Variants in ICA1L observed in about 807,000 individuals in gnomAD.
The protein encoded by ICA1L is islet cell autoantigen 1-like protein.
ICA1L carries 50 observed loss-of-function variants against 61.3 expected under a neutral mutation model. The observed-to-expected ratio is 0.82, with a 90% confidence interval of 0.65 to 1.03. The LOEUF is 1.03. Among genes scored for constraint, ICA1L ranks in the 50% least tolerant of loss-of-function variants. The pLI is 0.00. For missense variants in ICA1L, 508 were observed against 556.7 expected (o/e 0.91, Z 0.88); for synonymous variants, 161 against 191.3 (o/e 0.84, Z 1.31).
At position 202,776,019 on chromosome 2, in the gene ICA1L, A is replaced by T. The variant is rs1692207528; in HGVS notation, c.*3514T>A. ...TATTAAAAGAGGCTCAGAAAAATAGATAGAGCACATGTAAACTTCCTTCGT... is the reference window on the plus strand; with the variant it reads ...TATTAAAAGAGGCTCAGAAAAATAGTTAGAGCACATGTAAACTTCCTTCGT... On this transcript the variant is annotated 3_prime_UTR_variant, in exon 13 of 13. Transcript: ENST00000358299. 6.7e-6 allele frequency: 1 copy of T among 148,250 alleles called. No individual in the cohort carries two copies. The highest frequency in any genetic ancestry group is 2.6e-5 in the African/African-American group (1 of 37,884). 9.2% of individuals were successfully genotyped at this position (148,250 alleles called of 1,614,324 possible).
At chr2:202,870,999 T>A (rs1207944710) in intron 1 of ICA1L, 1 of 152,244 alleles carries the variant, frequency 6.6e-6, no homozygotes, top group Non-Finnish European at 1.5e-5. Context: ...GTTGCCGGCC[T>A]AAGGAGCAGG....
intron 1 of ICA1L, chr2:202,841,614 T>A: frequency 1.5e-6 from 1 of 650,542 alleles, no homozygotes; most frequent in Non-Finnish European, 2.9e-6. Context: ...CCACCATAAC[T>A]TCCACCCAGG....
intron 1 of ICA1L, chr2:202,869,733 C>G (rs1192343044): frequency 6.6e-6 from 1 of 151,340 alleles, no homozygotes; most frequent in Non-Finnish European, 1.5e-5. Context: ...CTTTTTTTAT[C>G]TCAACTAAAT....
At chr2:202,834,763 CAT>C (rs796552292) in intron 1 of ICA1L, among the ~76,000 whole-genome samples, 32 of 152,316 alleles carry the variant, frequency 2.1e-4, no homozygotes, top group African/African-American at 7.5e-4. Flanking sequence ...TCATCATCAT[CAT>C]ATAGTTCTTT....
At chr2:202,786,324 A>G (rs1468479761) in intron 11 of ICA1L, among the ~76,000 whole-genome samples, 1 of 152,034 alleles carries the variant, frequency 6.6e-6, no homozygotes, top group Non-Finnish European at 1.5e-5. Flanking sequence ...AGGCGGGTGG[A>G]TCATGAGGTC....
chr2:202,842,256 T>G (rs1459576720), intron 1 of ICA1L, among the ~76,000 whole-genome samples: 2 of 152,210 alleles, frequency 1.3e-5, no homozygotes, highest in African/African-American at 4.8e-5. Flanking sequence ...CCAATGAGTT[T>G]TATACTTTTA....
rs200803657 is a variant in ICA1L at position 202,825,742 on chromosome 2, C to T, written c.188G>A (p.Cys63Tyr). 1.9e-6 allele frequency: 3 copies of T among 1,586,666 alleles called. No homozygotes were observed. The African/African-American group carries it at 4.0e-5, about 21-fold the overall frequency. The change falls in exon 3 of 13, where the codon TGC becomes TAC. Residue 63 changes from cysteine to tyrosine, a missense_variant. Cys to Tyr is a radical substitution (Grantham distance 194). Transcript: ENST00000358299. ...LEVFHSVQETCTELLKIIEKY... is the reference protein window; with the variant it reads ...LEVFHSVQETYTELLKIIEKY... ...CTCGATTATCTTCAGAAGTTCAGTG[C>T]ATGTCTCTTGAACAGAGTGAAAAAC...
At position 202,797,075 on chromosome 2, in the gene ICA1L, AAAACATACAAAAGGG is replaced by A. The variant is rs1692950145; in HGVS notation, c.911-126_911-112del. On this transcript the variant is annotated intron_variant, in intron 9 of 12. Coordinates refer to ENST00000358299, the MANE Select transcript of ICA1L (RefSeq NM_001288622.3). ...TGTTCAATTGACCAAATCAGAATCG[AAAACATACAAAAGGG>A]AAACATAAAAATTTAAATAATCTTA... 13 of 595,314 alleles carry A rather than the reference AAAACATACAAAAGGG, an allele frequency of 2.2e-5. No individual in the cohort carries two copies. The South Asian group carries it at 2.4e-4, about 11-fold the overall frequency. 36.9% of individuals were successfully genotyped at this position (595,314 alleles called of 1,614,324 possible).
At chr2:202,846,654 G>A (rs769247009) in intron 1 of ICA1L, among the ~76,000 whole-genome samples, 3 of 152,138 alleles carry the variant, frequency 2.0e-5, no homozygotes, top group Non-Finnish European at 4.4e-5. Flanking sequence ...TGAGAGCTAC[G>A]GAAGTTAGGA....
At chr2:202,850,974 G>A (rs1231099357) in intron 1 of ICA1L, among the ~76,000 whole-genome samples, 2 of 151,798 alleles carry the variant, frequency 1.3e-5, no homozygotes, top group Non-Finnish European at 2.9e-5. Context: ...AAGAGAGTGG[G>A]GGCCAATATT....
intron 1 of ICA1L, among the ~76,000 whole-genome samples, chr2:202,835,215 CT>C (rs544503963): frequency 2.0e-3 from 240 of 120,630 alleles, no homozygotes; most frequent in African/African-American, 6.0e-3. Flanking sequence ...TGATTTCTTC[CT>C]TTTTTTTTTT....
chr2:202,804,184 C>T (rs1262701196), intron 9 of ICA1L, among the ~76,000 whole-genome samples: 1 of 152,168 alleles, frequency 6.6e-6, no homozygotes, highest in Non-Finnish European at 1.5e-5. Context: ...TAAGACCCCT[C>T]CCCTATTTGG....
rs1692297928 is a variant in ICA1L at position 202,778,629 on chromosome 2, G to A, written c.*904C>T. On this transcript the variant is annotated 3_prime_UTR_variant, in exon 13 of 13. Transcript: ENST00000358299. The stretch of plus-strand genomic sequence containing the variant: ...CCCTCATTCAGATAGAAATTTCTAG[G>A]TATTTCAGGAATACTATTGCCAGTT... 1 of 152,456 alleles carries A rather than the reference G, an allele frequency of 6.6e-6. No homozygotes were observed. Among genetic ancestry groups the A allele is most frequent in the Non-Finnish European group, 1.5e-5 (1 of 68,024 alleles). 9.4% of individuals were successfully genotyped at this position (152,456 alleles called of 1,614,324 possible). A position where few individuals can be genotyped will look rare whatever the true frequency, so the allele number is the denominator to read the frequency against.
rs567820312 is a variant in ICA1L, at chr2:202,837,424, C to T, written c.-7-8408G>A. ...TCAGCCTCCTGAGTAGCTGGGATTA[C>T]AGGCGCCTGCCACCACACCCAGCTA... On this transcript the variant is annotated intron_variant, in intron 1 of 12. Coordinates refer to ENST00000358299, the MANE Select transcript of ICA1L (RefSeq NM_001288622.3). Among the ~76,000 whole-genome samples, 4 of 152,062 alleles carry T rather than the reference C, an allele frequency of 2.6e-5. 1 individual carries two copies. The highest frequency in any genetic ancestry group is 9.6e-5 in the African/African-American group (4 of 41,494).
chr2:202,799,735 T>G (rs1693038196), intron 9 of ICA1L, among the ~76,000 whole-genome samples: 1 of 152,228 alleles, frequency 6.6e-6, no homozygotes, highest in Non-Finnish European at 1.5e-5. Context: ...CCCTCATATT[T>G]TAATAGCTTT....
chr2:202,820,930 AAAGT>A (rs1178454934), intron 4 of ICA1L, among the ~76,000 whole-genome samples: 1 of 152,206 alleles, frequency 6.6e-6, no homozygotes, highest in Non-Finnish European at 1.5e-5. Context: ...TAATAACTGG[AAAGT>A]ATGTAATTAA....
At chr2:202,861,318 T>A (rs1416266008) in intron 1 of ICA1L, among the ~76,000 whole-genome samples, 1 of 136,338 alleles carries the variant, frequency 7.3e-6, no homozygotes, top group African/African-American at 2.8e-5. Flanking sequence ...GGCAGGAGAA[T>A]CACTTGAACC....
chr2:202,813,464 A>C (rs1341513056), intron 8 of ICA1L, among the ~76,000 whole-genome samples: 3 of 152,168 alleles, frequency 2.0e-5, no homozygotes, highest in African/African-American at 7.2e-5. Flanking sequence ...AGACTAAGTA[A>C]TTTATAAAGA....
At chr2:202,810,779 G>A (rs1038296127) in intron 9 of ICA1L, among the ~76,000 whole-genome samples, 4 of 152,176 alleles carry the variant, frequency 2.6e-5, no homozygotes, top group African/African-American at 4.8e-5. Context: ...AAGAGAATGT[G>A]TCCTTGAGGG....
Sources: allele counts gnomAD v4.1 joint callset (sites outside exome capture counted in the v4.1 genomes callset), GRCh38; gene constraint gnomAD v4.1.1; transcripts MANE v1.5; gene names NCBI Gene and HGNC (gene_info 2026-07-23, HGNC 2026-07-21).